SETD7: variants seen among roughly 807,000 people sequenced by gnomAD.
SETD7 encodes SET domain containing 7, histone lysine methyltransferase, also known as histone-lysine N-methyltransferase SETD7.
Under a neutral mutation model 41.8 loss-of-function variants are expected in SETD7, and 16 were observed. That is an observed-to-expected ratio of 0.38 (90% CI 0.26 to 0.58). The LOEUF (loss-of-function observed/expected upper bound fraction) is 0.58. SETD7 is among the 20% of genes least tolerant of loss of function. SETD7 has a pLI of 0.64. For missense variants in SETD7, 346 were observed against 459.7 expected, an observed-to-expected ratio of 0.75 and a Z score of 2.26; for synonymous variants, 163 against 169.7, an observed-to-expected ratio of 0.96 and a Z score of 0.31.
At chr4:139,520,092 C>T (rs1252293556) in intron 6 of SETD7, among the ~76,000 whole-genome samples, 185 bp downstream of exon 6, 1 of 151,968 alleles carries the variant, frequency 6.6e-6, no homozygotes, top group Non-Finnish European at 1.5e-5. Context: ...TATAAAATAG[C>T]TCTGGAACTT....
chr4:139,501,368 T>C (rs1579195047), downstream of SETD7, among the ~76,000 whole-genome samples: 1 of 122,696 alleles, frequency 8.2e-6, no homozygotes, highest in South Asian at 2.7e-4. Context: ...CACTTATAAG[T>C]GGGAGCTAAG....
chr4:139,554,230 C>T (rs548366362), intron 1 of SETD7, among the ~76,000 whole-genome samples: 1 of 152,296 alleles, frequency 6.6e-6, no homozygotes, highest in South Asian at 2.1e-4. Context: ...ACAAAACCAT[C>T]CCTGTTTATA....
chr4:139,555,996 G>A lies in SETD7; in HGVS notation c.40+102C>T. On this transcript the variant is annotated intron_variant, in intron 1 of 7. Coordinates refer to ENST00000274031, the MANE Select transcript of SETD7 (RefSeq NM_030648.4). The surrounding 1 kb of genome is among the most constrained non-coding windows in gnomAD (Gnocchi z 4.0). ...ACCGGCCACCCGTGTAGGGGACAGT[G>A]GCGGCCGCGGGGCCCGGCGCCGCGC... 1 of 1,258,342 alleles carries A rather than the reference G, an allele frequency of 7.9e-7. No homozygotes were observed. The highest frequency in any genetic ancestry group is 2.7e-5 in the Admixed American group (1 of 37,210). 77.9% of individuals were successfully genotyped at this position (1,258,342 alleles called of 1,614,324 possible). A position where few individuals can be genotyped will look rare whatever the true frequency, so the allele number is the denominator to read the frequency against.
intron 2 of SETD7, among the ~76,000 whole-genome samples, chr4:139,544,181 A>G (rs1026206046): frequency 3.3e-5 from 5 of 151,594 alleles, no homozygotes; most frequent in African/African-American, 1.2e-4. Context: ...AGTCACAGCT[A>G]CTCAGGAAGC....
At chr4:139,494,104 GCA>G (rs1276929590), downstream of SETD7, among the ~76,000 whole-genome samples, 2 of 152,156 alleles carry the variant, frequency 1.3e-5, no homozygotes, top group African/African-American at 2.4e-5. Context: ...TTTTGGGTAG[GCA>G]ATCCACAGTA....
At chr4:139,538,813 C>T (rs1437055709) in intron 2 of SETD7, among the ~76,000 whole-genome samples, 2 of 152,052 alleles carry the variant, frequency 1.3e-5, no homozygotes, top group African/African-American at 4.8e-5. Flanking sequence ...GTTTGATTTT[C>T]CTGGTACCAT....
intron 7 of SETD7, among the ~76,000 whole-genome samples, chr4:139,500,966 C>T (rs930013772): frequency 6.6e-6 from 1 of 152,132 alleles, no homozygotes; most frequent in African/African-American, 2.4e-5. Flanking sequence ...TCTCTGCGGC[C>T]CCCCTCAGCC....
intron 2 of SETD7, among the ~76,000 whole-genome samples, chr4:139,543,947 G>C (rs1387412195): frequency 6.7e-6 from 1 of 148,738 alleles, no homozygotes. Context: ...CTGGGAGACA[G>C]AGCAAGACTC....
At chr4:139,525,330 C>T (rs905468678) in intron 4 of SETD7, among the ~76,000 whole-genome samples, 1 of 152,208 alleles carries the variant, frequency 6.6e-6, no homozygotes, top group African/African-American at 2.4e-5. Context: ...CTTCCAATGC[C>T]TACTGTCTCT....
At chr4:139,513,047 C>T (rs2111123608) in intron 7 of SETD7, among the ~76,000 whole-genome samples, 1 of 152,166 alleles carries the variant, frequency 6.6e-6, no homozygotes, top group Non-Finnish European at 1.5e-5. Flanking sequence ...GTGTGAGCCA[C>T]TGTGCCCAGT....
In SETD7 at chr4:139,546,993, T is replaced by A; in HGVS notation, c.97A>T (p.Thr33Ser). 1 of 1,614,208 alleles carries A rather than the reference T, an allele frequency of 6.2e-7. No homozygotes were observed. The highest frequency in any genetic ancestry group is 1.7e-5 in the Admixed American group (1 of 60,024). The change falls in exon 2 of 8, where the codon ACA becomes TCA. Residue 33 changes from threonine to serine, a missense_variant. By Grantham distance (58) the Thr-to-Ser change is moderately conservative. Around this residue, in one of 3 missense-constraint regions of SETD7, gnomAD observed 266 missense variants for 377.0 expected, o/e 0.71. Transcript: ENST00000274031. ...HGFCTVTYSS[T>S]DRFEGNFVHG... Reference sequence around the variant, plus strand: ...ACAAAGTTCCCCTCAAATCTGTCTGTGGAGGAGTAGGTGACTGTGCAGAAC... The same window carrying A: ...ACAAAGTTCCCCTCAAATCTGTCTGAGGAGGAGTAGGTGACTGTGCAGAAC...
At chr4:139,548,644 T>A (rs192765385) in intron 1 of SETD7, among the ~76,000 whole-genome samples, 6 of 152,228 alleles carry the variant, frequency 3.9e-5, no homozygotes, top group Non-Finnish European at 8.8e-5. Context: ...ACAACAACAA[T>A]AAAAAGAATA....
intron 3 of SETD7, among the ~76,000 whole-genome samples, chr4:139,531,056 G>A (rs988424651): frequency 6.6e-6 from 1 of 151,988 alleles, no homozygotes; most frequent in Non-Finnish European, 1.5e-5. Context: ...TAATTTGACT[G>A]GTGAGCAGCC....
At chr4:139,544,600 G>C (rs964573572) in intron 2 of SETD7, among the ~76,000 whole-genome samples, 3 of 152,150 alleles carry the variant, frequency 2.0e-5, no homozygotes, top group Non-Finnish European at 4.4e-5. Context: ...CTAGGGCTGA[G>C]GGGATCAGCA....
In SETD7 at chr4:139,547,060, G is replaced by A. The variant is rs1160545947; in HGVS notation, c.41-11C>T. On this transcript the variant is annotated splice_polypyrimidine_tract_variant and intron_variant, in intron 1 of 7. Coordinates refer to ENST00000274031, the MANE Select transcript of SETD7 (RefSeq NM_030648.4). ...CATCGTCCAGGTGCCCTGGAGAAAG[G>A]GAACCACAAGGCAAACCTTAACATC... 6 of 1,613,604 alleles carry A rather than the reference G, an allele frequency of 3.7e-6. No homozygotes were observed. The highest frequency in any genetic ancestry group is 3.4e-6 in the Non-Finnish European group (4 of 1,179,898).
intron 1 of SETD7, among the ~76,000 whole-genome samples, chr4:139,549,481 CAAA>C (rs1560693625): frequency 7.1e-6 from 1 of 141,266 alleles, no homozygotes; most frequent in East Asian, 2.5e-4. Flanking sequence ...GAGATGACAA[CAAA>C]AATGTCAACT....
chr4:139,551,940 A>G (rs1409510459), intron 1 of SETD7, among the ~76,000 whole-genome samples: 1 of 152,258 alleles, frequency 6.6e-6, no homozygotes, highest in Non-Finnish European at 1.5e-5. Context: ...CTGGTGATGC[A>G]TTCAATCACC....
chr4:139,544,851 GA>G (rs1727894053), intron 2 of SETD7, among the ~76,000 whole-genome samples: 1 of 148,668 alleles, frequency 6.7e-6, no homozygotes. Flanking sequence ...GGGGGAGGCG[GA>G]GGGGGTGTTC....
chr4:139,537,473 T>C (rs1225378661), intron 2 of SETD7, among the ~76,000 whole-genome samples: 2 of 121,460 alleles, frequency 1.6e-5, no homozygotes, highest in African/African-American at 5.1e-5. Context: ...GCGGGGAACC[T>C]TGTTTTCCTA....
Sources: allele counts gnomAD v4.1 joint callset (sites outside exome capture counted in the v4.1 genomes callset), GRCh38; gene constraint gnomAD v4.1.1; regional missense constraint gnomAD v4.1.1; non-coding constraint Gnocchi (gnomAD v3.1); transcripts MANE v1.5; gene names NCBI Gene and HGNC (gene_info 2026-07-23, HGNC 2026-07-21).